The following PKLR variants were observed in gnomAD, a reference collection of about 807,000 sequenced individuals.
PKLR encodes the protein pyruvate kinase PKLR.
Under a neutral mutation model 53.6 loss-of-function variants are expected in PKLR, and 38 were observed. The observed-to-expected ratio is 0.71, with a 90% CI of 0.55 to 0.93. The LOEUF (loss-of-function observed/expected upper bound fraction) is 0.93. Ranked by LOEUF, PKLR falls within the 40% of genes least tolerant of loss-of-function variation. The probability of loss-of-function intolerance (pLI) is 0.00; values close to 1 mark genes in which losing one functional copy is unlikely to be tolerated. For synonymous variants in PKLR, 328 were observed against 316.2 expected, an observed-to-expected ratio of 1.04 and a Z score of -0.39; for missense variants, 702 against 787.3, an observed-to-expected ratio of 0.89 and a Z score of 1.30.
chr1:155,305,573 G>A (rs938436863), upstream of PKLR, among the ~76,000 whole-genome samples: 1 of 152,158 alleles, frequency 6.6e-6, no homozygotes, highest in Admixed American at 6.5e-5. Context: ...TCAGGGACTG[G>A]GGATTCAGGC....
intron 2 of PKLR, 150 bp downstream of exon 2, chr1:155,299,948 A>C (rs1572063137): frequency 1.3e-6 from 1 of 767,792 alleles, no homozygotes; most frequent in Non-Finnish European, 2.2e-6. Flanking sequence ...CCCAGGGCCC[A>C]AAATCTTGTC....
At position 155,290,423 on chromosome 1, in the gene PKLR, T is replaced by C; in HGVS notation, c.*149A>G. On this transcript the variant is annotated 3_prime_UTR_variant, in exon 11 of 11. Coordinates refer to ENST00000342741, the MANE Select transcript of PKLR (RefSeq NM_000298.6). Reference sequence around the variant, plus strand: ...CGAAGGGGCTAGATGACAGTTATAGTCTCAGATAGGCCTCAGGTAGGGAGG... The same window carrying C: ...CGAAGGGGCTAGATGACAGTTATAGCCTCAGATAGGCCTCAGGTAGGGAGG... 1.5e-6 allele frequency: 1 copy of C among 655,004 alleles called. No homozygotes were observed. The highest frequency in any genetic ancestry group is 2.8e-6 in the Non-Finnish European group (1 of 359,044). 40.6% of individuals were successfully genotyped at this position (655,004 alleles called of 1,614,324 possible).
At chr1:155,303,414 AC>A (rs1309129487), upstream of PKLR, among the ~76,000 whole-genome samples, 3 of 152,278 alleles carry the variant, frequency 2.0e-5, no homozygotes, top group East Asian at 5.8e-4. Context: ...TCGAGCACCT[AC>A]GCTGTATCAG....
At chr1:155,296,287 A>G (rs546832428) in intron 2 of PKLR, among the ~76,000 whole-genome samples, 1 of 152,216 alleles carries the variant, frequency 6.6e-6, no homozygotes, top group South Asian at 2.1e-4. Context: ...GCTCAAGGAC[A>G]TAAATTAAGC....
rs762490269 is a variant in PKLR at position 155,301,376 on chromosome 1, A to T, written c.20T>A (p.Ile7Lys). 1.9e-6 allele frequency: 3 copies of T among 1,613,924 alleles called. No individual in the cohort carries two copies. In the East Asian group the frequency reaches 6.7e-5, roughly 36 times the overall value. Residue 7 changes from isoleucine to lysine, a missense_variant, in exon 1 of 11, where the codon ATA becomes AAA. Around this residue, in one of 2 missense-constraint regions of PKLR, gnomAD observed 519 missense variants for 537.1 expected, o/e 0.97. Transcript: ENST00000342741. ...CCATGACCGAAGCTGCAGGGATGAT[A>T]TGTTCTCCTGGATCGACATGCTTTC... The part of the protein sequence containing the change: MSIQEN[I>K]SSLQLRSWVS...
chr1:155,302,761 T>A (rs1648096109), upstream of PKLR, among the ~76,000 whole-genome samples: 1 of 151,294 alleles, frequency 6.6e-6, no homozygotes, highest in Admixed American at 6.6e-5. Context: ...TAGCCTTGAC[T>A]TCCTGGGCTC....
chr1:155,291,086 C>T (rs1425396948), intron 10 of PKLR, among the ~76,000 whole-genome samples: 1 of 151,640 alleles, frequency 6.6e-6, no homozygotes, highest in Non-Finnish European at 1.5e-5. Context: ...ACCAGGCCAG[C>T]CCTGTAACGA....
Position 155,291,951 on chromosome 1 carries a change from A to G in PKLR, c.1437-14T>C. ...AGCTGGGCTGAGCTGGAGGAGGCAGAGAAGGTCAGCCCAGAACAGCAAGAA... is the reference window on the plus strand; with the variant it reads ...AGCTGGGCTGAGCTGGAGGAGGCAGGGAAGGTCAGCCCAGAACAGCAAGAA... On this transcript the variant is annotated splice_polypyrimidine_tract_variant and intron_variant, in intron 9 of 10. Coordinates refer to ENST00000342741, the MANE Select transcript of PKLR (RefSeq NM_000298.6). 6.2e-7 allele frequency: 1 copy of G among 1,612,228 alleles called. No homozygotes were observed. The highest frequency in any genetic ancestry group is 8.5e-7 in the Non-Finnish European group (1 of 1,179,628).
At chr1:155,300,667 G>A (rs866472692) in intron 1 of PKLR, among the ~76,000 whole-genome samples, 17 of 151,850 alleles carry the variant, frequency 1.1e-4, no homozygotes, top group African/African-American at 3.9e-4. Flanking sequence ...ACCCCTTGAT[G>A]TCTAGTCCCC....
Position 155,295,779 on chromosome 1 carries a change from A to C in PKLR, c.284-23T>G, listed in dbSNP as rs1193778151. Reference sequence around the variant, plus strand: ...GCCCTAGAACCAGAGATTCACGTTCAGACAACGTTCCCCCAGAACATGAGA... The same window carrying C: ...GCCCTAGAACCAGAGATTCACGTTCCGACAACGTTCCCCCAGAACATGAGA... On this transcript the variant is annotated intron_variant, in intron 2 of 10. Coordinates refer to ENST00000342741, the MANE Select transcript of PKLR (RefSeq NM_000298.6). The surrounding 1 kb of genome is among the most constrained non-coding windows in gnomAD (Gnocchi z 4.3). 6.2e-7 allele frequency: 1 copy of C among 1,603,186 alleles called. No individual in the cohort carries two copies. Among genetic ancestry groups the C allele is most frequent in the Admixed American group, 1.7e-5 (1 of 60,000 alleles).
At chr1:155,292,120 C>A (rs965549892) in intron 9 of PKLR, among the ~76,000 whole-genome samples, 183 bp from the exon 10 acceptor site, 3 of 151,906 alleles carry the variant, frequency 2.0e-5, no homozygotes, top group Non-Finnish European at 4.4e-5. Flanking sequence ...CCTCCCAGGC[C>A]GGGAGCGGTG....
chr1:155,299,077 TTTTC>T (rs1228927705), intron 2 of PKLR, among the ~76,000 whole-genome samples: 45 of 147,088 alleles, frequency 3.1e-4, no homozygotes, highest in Non-Finnish European at 3.1e-4. Flanking sequence ...TCCTTCTTTC[TTTTC>T]TTTCTTTCTT....
chr1:155,291,763 A>G lies in PKLR; in HGVS notation c.1611T>C (p.Ile537=). The change falls in exon 10 of 11, where the codon ATT becomes ATC. Residue 537 remains isoleucine, a synonymous_variant. Coordinates refer to ENST00000342741, the MANE Select transcript of PKLR (RefSeq NM_000298.6). Reference sequence around the variant, plus strand: ...AAGGTCTAGGTAGCTCACCACTTTCAATGCCAAATTGCACCCGGCGATCTA... The same window carrying G: ...AAGGTCTAGGTAGCTCACCACTTTCGATGCCAAATTGCACCCGGCGATCTA... ...DDVDRRVQFG[I]ESGKLRGFLR... 1.2e-6 allele frequency: 2 copies of G among 1,614,042 alleles called. No homozygotes were observed. Among genetic ancestry groups the G allele is most frequent in the South Asian group, 1.1e-5 (1 of 91,082 alleles).
Position 155,295,412 on chromosome 1 carries a change from AGC to A in PKLR, c.507+23_507+24del, listed in dbSNP as rs769067608. On this transcript the variant is annotated intron_variant, in intron 4 of 10. Transcript: ENST00000342741. The surrounding 1 kb of genome is among the most constrained non-coding windows in gnomAD (Gnocchi z 4.3). Reference sequence around the variant, plus strand: ...GGCGCCGCCTTTCCGGCCCTGGCCCAGCGAGTCCCAGCCCCACTGCTCACCCC... The same window carrying A: ...GGCGCCGCCTTTCCGGCCCTGGCCCAGAGTCCCAGCCCCACTGCTCACCCC... 2 of 1,611,480 alleles carry A rather than the reference AGC, an allele frequency of 1.2e-6. No homozygotes were observed. Among genetic ancestry groups the A allele is most frequent in the East Asian group, 4.5e-5 (2 of 44,766 alleles).
chr1:155,293,219 T>C lies in PKLR; in HGVS notation c.1394A>G (p.Lys465Arg), dbSNP rs1210256362. ...CACAATGATGGCAGCAGCACAGCACTTGAAGGCAGCCTCCACAGCACCAAT... is the reference window on the plus strand; with the variant it reads ...CACAATGATGGCAGCAGCACAGCACCTGAAGGCAGCCTCCACAGCACCAAT... ...TAIGAVEAAF[K>R]CCAAAIIVLT... The change falls in exon 9 of 11, where the codon AAG becomes AGG. Residue 465 changes from lysine (K) to arginine (R), a missense_variant. By Grantham distance (26) the Lys-to-Arg change is conservative (BLOSUM62 2). This residue lies in a region of PKLR where 183 missense variants were observed against 250.2 expected (regional missense o/e 0.73). Coordinates refer to ENST00000342741, the MANE Select transcript of PKLR (RefSeq NM_000298.6). The surrounding 1 kb of genome is among the most constrained non-coding windows in gnomAD (Gnocchi z 4.2). The C allele has an allele frequency of 6.2e-7, 1 of 1,612,776 alleles. No homozygotes were observed. The highest frequency in any genetic ancestry group is 1.1e-5 in the South Asian group (1 of 91,044).
At chr1:155,301,098 G>A in intron 1 of PKLR, 198 bp downstream of exon 1, 1 of 1,458,350 alleles carries the variant, frequency 6.9e-7, no homozygotes, top group East Asian at 2.5e-5. Context: ...CTGTGGCTCT[G>A]GCCTGCCTAT....
intron 2 of PKLR, among the ~76,000 whole-genome samples, chr1:155,299,491 C>CTTTTTTTTTTTTTTTTTTTTTTT (rs35869567): frequency 7.0e-5 from 3 of 42,760 alleles, no homozygotes; most frequent in African/African-American, 3.0e-4. Flanking sequence ...GCCCAGCCCA[C>CTTTTTTTTTTTTTTTTTTTTTTT]TTTTTTTTTT....
At chr1:155,298,754 G>A (rs1370997762) in intron 2 of PKLR, among the ~76,000 whole-genome samples, 1 of 152,026 alleles carries the variant, frequency 6.6e-6, no homozygotes, top group East Asian at 1.9e-4. Context: ...CGATTCCCCT[G>A]CCTCAGCCTC....
Position 155,290,408 on chromosome 1 carries a change from A to G in PKLR, c.*164T>C. 1 of 636,486 alleles carries G rather than the reference A, an allele frequency of 1.6e-6. No individual in the cohort carries two copies. The highest frequency in any genetic ancestry group is 2.9e-6 in the Non-Finnish European group (1 of 350,478). The allele number at this position is 636,486 out of a possible 1,614,324, so 39.4% of individuals were successfully genotyped here. On this transcript the variant is annotated 3_prime_UTR_variant, in exon 11 of 11. Transcript: ENST00000342741. ...GGGAAGGGGCAACCTCGAAGGGGCT[A>G]GATGACAGTTATAGTCTCAGATAGG...
Sources: gnomAD v4.1 joint callset for allele counts (sites outside exome capture counted in the v4.1 genomes callset) on GRCh38, gnomAD v4.1.1 for gene constraint, gnomAD v4.1.1 regional missense constraint, Gnocchi (gnomAD v3.1) non-coding constraint, MANE v1.5 for transcripts, NCBI Gene and HGNC (gene_info 2026-07-23, HGNC 2026-07-21) for gene names.